Variants in NAPB observed in about 807,000 individuals in gnomAD.
NAPB encodes NSF attachment protein beta.
NAPB carries 26 observed loss-of-function variants against 44.7 expected under a neutral mutation model. The ratio of observed to expected loss-of-function variants is 0.58; its 90% CI spans 0.43 to 0.81. The LOEUF (loss-of-function observed/expected upper bound fraction) is 0.81, where lower values mean the gene tolerates loss of function less well. Among genes scored for constraint, NAPB ranks in the 30% least tolerant of loss-of-function variants. The pLI is 0.00. For missense variants in NAPB, 315 were observed against 356.4 expected (o/e 0.88, Z 0.94); for synonymous variants, 120 against 116.8 (o/e 1.03, Z -0.18).
chr20:23,399,206 A>G (rs1457616237), intron 2 of NAPB, among the ~76,000 whole-genome samples: 1 of 152,146 alleles, frequency 6.6e-6, no homozygotes, highest in Non-Finnish European at 1.5e-5. Flanking sequence ...AACCACCAGC[A>G]TGACATGGGT....
intron 10 of NAPB, chr20:23,378,843 A>ATTT (rs1982753507): frequency 1.2e-5 from 1 of 82,666 alleles, no homozygotes; most frequent in Non-Finnish European, 2.7e-5. Context: ...TTTTTGAGAC[A>ATTT]GAGTCTCGCT....
intron 1 of NAPB, among the ~76,000 whole-genome samples, chr20:23,415,375 C>G (rs1036640100): frequency 2.0e-5 from 3 of 152,160 alleles, no homozygotes; most frequent in African/African-American, 7.2e-5. Context: ...GTGGACGGAT[C>G]ATGAGGTCAG....
chr20:23,381,361 T>C (rs999724158), intron 7 of NAPB, 44 bp from the exon 8 acceptor site: 2 of 1,248,428 alleles, frequency 1.6e-6, no homozygotes, highest in Non-Finnish European at 1.1e-6. Flanking sequence ...TTTACCCTCT[T>C]ATATCAGGCA....
intron 1 of NAPB, among the ~76,000 whole-genome samples, chr20:23,413,753 A>G (rs1213716272): frequency 6.6e-6 from 1 of 152,126 alleles, no homozygotes; most frequent in Non-Finnish European, 1.5e-5. Flanking sequence ...GGAAAACACA[A>G]TTTACCAAAA....
intron 7 of NAPB, among the ~76,000 whole-genome samples, chr20:23,381,835 C>T (rs1447228382): frequency 6.6e-6 from 1 of 152,170 alleles, no homozygotes; most frequent in African/African-American, 2.4e-5. Context: ...TGCTCTACTC[C>T]AGCCAAATAT....
intron 6 of NAPB, 70 bp downstream of exon 6, chr20:23,390,139 G>GTATAAA: frequency 6.6e-7 from 1 of 1,508,974 alleles, no homozygotes; most frequent in Admixed American, 1.7e-5. Context: ...CACTCACAAA[G>GTATAAA]TATAAAGAAG....
chr20:23,410,573 A>G (rs1985583281), intron 1 of NAPB, among the ~76,000 whole-genome samples: 1 of 152,234 alleles, frequency 6.6e-6, no homozygotes, highest in African/African-American at 2.4e-5. Context: ...TTGAAAAACT[A>G]TTGGGTACTA....
chr20:23,398,870 T>C (rs1984600046), intron 2 of NAPB, among the ~76,000 whole-genome samples: 1 of 145,182 alleles, frequency 6.9e-6, no homozygotes, highest in Admixed American at 6.9e-5. Flanking sequence ...TTTTTTTTTT[T>C]TTTTTTTTGT....
chr20:23,379,700 T>C (rs1982843062), intron 9 of NAPB, 167 bp downstream of exon 9: 3 of 666,070 alleles, frequency 4.5e-6, no homozygotes, highest in South Asian at 2.0e-5. Context: ...TACATGTTTC[T>C]GACCTTAATT....
chr20:23,382,068 A>G (rs1983050898), intron 7 of NAPB, among the ~76,000 whole-genome samples: 1 of 152,186 alleles, frequency 6.6e-6, no homozygotes, highest in South Asian at 2.1e-4. Flanking sequence ...TCAAGCAGGA[A>G]AGAGGTTCCC....
chr20:23,398,854 A>ATTTTTTTTTTTTTTTTTTTTTTTTTT (rs34074566), intron 2 of NAPB, among the ~76,000 whole-genome samples: 3 of 90,424 alleles, frequency 3.3e-5, no homozygotes, highest in Non-Finnish European at 2.0e-5. Flanking sequence ...CAAAAAAAAA[A>ATTTTTTTTTTTTTTTTTTTTTTTTTT]TTTTTTTTTT....
At chr20:23,418,202 G>T (rs1015328370) in intron 1 of NAPB, among the ~76,000 whole-genome samples, 12 of 152,204 alleles carry the variant, frequency 7.9e-5, no homozygotes, top group African/African-American at 2.7e-4. Context: ...ATTCAAGTCA[G>T]TATGTGTGTT....
At chr20:23,408,986 T>C (rs945922025) in intron 1 of NAPB, among the ~76,000 whole-genome samples, 1 of 152,256 alleles carries the variant, frequency 6.6e-6, no homozygotes, top group Non-Finnish European at 1.5e-5. Flanking sequence ...AGCATTTAAA[T>C]GTTTCACTGT....
At chr20:23,397,650 T>A (rs1293096208) in intron 2 of NAPB, among the ~76,000 whole-genome samples, 1 of 152,258 alleles carries the variant, frequency 6.6e-6, no homozygotes, top group Non-Finnish European at 1.5e-5. Context: ...AATGAAGGCT[T>A]CATGGATAAA....
chr20:23,407,731 G>A (rs1045328821), intron 1 of NAPB, among the ~76,000 whole-genome samples: 1 of 149,338 alleles, frequency 6.7e-6, no homozygotes, highest in Admixed American at 6.6e-5. Flanking sequence ...ACGGCCAGAA[G>A]GGTCTGAGAA....
At chr20:23,417,524 G>A (rs1986093812) in intron 1 of NAPB, among the ~76,000 whole-genome samples, 1 of 152,136 alleles carries the variant, frequency 6.6e-6, no homozygotes, top group Admixed American at 6.5e-5. Context: ...GACTCAGGCC[G>A]ATTTAAAATC....
At chr20:23,417,970 A>G (rs906693354) in intron 1 of NAPB, among the ~76,000 whole-genome samples, 1 of 152,236 alleles carries the variant, frequency 6.6e-6, no homozygotes, top group African/African-American at 2.4e-5. Context: ...GCTATAGAAT[A>G]CTACTAAGAA....
chr20:23,411,369 C>T (rs531138920), intron 1 of NAPB, among the ~76,000 whole-genome samples: 3 of 152,124 alleles, frequency 2.0e-5, no homozygotes, highest in South Asian at 2.1e-4. Context: ...CAGCAATATA[C>T]GGAGCAAAAC....
intron 5 of NAPB, among the ~76,000 whole-genome samples, chr20:23,391,425 A>T (rs1218956306): frequency 6.6e-6 from 1 of 152,234 alleles, no homozygotes; most frequent in Non-Finnish European, 1.5e-5. Context: ...GTTTTGTAAG[A>T]GCTGAACTCT....
Sources: gnomAD v4.1 joint callset for allele counts (sites outside exome capture counted in the v4.1 genomes callset) on GRCh38, gnomAD v4.1.1 for gene constraint, MANE v1.5 for transcripts, NCBI Gene and HGNC (gene_info 2026-07-23, HGNC 2026-07-21) for gene names.